GRM4: variants seen among roughly 807,000 people sequenced by gnomAD.
GRM4 encodes glutamate metabotropic receptor 4, also known as metabotropic glutamate receptor 4.
GRM4 carries 28 observed loss-of-function variants against 81.7 expected under a neutral mutation model. The observed-to-expected ratio is 0.34, with a 90% CI of 0.25 to 0.47. GRM4 has a LOEUF of 0.47. Among genes scored for constraint, GRM4 ranks in the 20% least tolerant of loss-of-function variants. The pLI is 1.00. For synonymous variants in GRM4, 488 were observed against 528.8 expected (o/e 0.92, Z 1.06); for missense variants, 948 against 1,290.0 (o/e 0.73, Z 4.06).
At chr6:34,095,375 T>G (rs1768465252) in intron 2 of GRM4, among the ~76,000 whole-genome samples, 1 of 152,084 alleles carries the variant, frequency 6.6e-6, no homozygotes, top group African/African-American at 2.4e-5. Context: ...GGGAGACAGT[T>G]TCAAGCAGAC....
intron 2 of GRM4, among the ~76,000 whole-genome samples, chr6:34,122,259 A>G (rs1769841494): frequency 6.6e-6 from 1 of 152,038 alleles, no homozygotes; most frequent in African/African-American, 2.4e-5. Context: ...ACCAGGGGGA[A>G]GAAAGAGATG....
Position 34,103,932 on chromosome 6 carries a change from A to G in GRM4, c.520-11833T>C, listed in dbSNP as rs997029898. 30 of 1,136,124 alleles carry G rather than the reference A, an allele frequency of 2.6e-5. 1 individual carries two copies. In the Admixed American group the frequency reaches 3.0e-4, roughly 11 times the overall value. The allele number at this position is 1,136,124 out of a possible 1,614,324, so 70.4% of individuals were successfully genotyped here. The stretch of plus-strand genomic sequence containing the variant: ...TTGGCCCAGATGTTCAGAGCCAGCC[A>G]TGCACCTCTCTCACACACAGGAGGT... On this transcript the variant is annotated intron_variant, in intron 2 of 10. Coordinates refer to ENST00000538487, the MANE Select transcript of GRM4 (RefSeq NM_000841.4).
Position 34,040,679 on chromosome 6 carries a change from A to T in GRM4, c.1238T>A (p.Val413Glu). Reference protein sequence around the residue: ...EGKVQFVIDAVYAMGHALHAM... With the variant: ...EGKVQFVIDAEYAMGHALHAM... The stretch of plus-strand genomic sequence containing the variant: ...GTGCAGCGCGTGGCCCATGGCGTAC[A>T]CGGCATCGATCACAAACTGCACCTT... The change falls in exon 7 of 11, where the codon GTG becomes GAG. Residue 413 changes from valine to glutamate, a missense_variant. Transcript: ENST00000538487. 6.2e-7 allele frequency: 1 copy of T among 1,614,110 alleles called. No individual in the cohort carries two copies. Among genetic ancestry groups the T allele is most frequent in the Non-Finnish European group, 8.5e-7 (1 of 1,179,926 alleles).
rs1766710517 is a variant in GRM4, at chr6:34,069,830, C to T, written c.737-7802G>A. Among the ~76,000 whole-genome samples the T allele has an allele frequency of 6.6e-6, 1 of 152,196 alleles. No individual in the cohort carries two copies. Among genetic ancestry groups the T allele is most frequent in the South Asian group, 2.1e-4 (1 of 4,838 alleles). Reference sequence around the variant, plus strand: ...CGTCTGTGCCCCCAACAGGCCTCTGCACATGCTGCTCCCTCTGCCAGGAGC... The same window carrying T: ...CGTCTGTGCCCCCAACAGGCCTCTGTACATGCTGCTCCCTCTGCCAGGAGC... On this transcript the variant is annotated intron_variant, in intron 3 of 10. Coordinates refer to ENST00000538487, the MANE Select transcript of GRM4 (RefSeq NM_000841.4). The surrounding 1 kb of genome is among the most constrained non-coding windows in gnomAD (Gnocchi z 6.4).
At position 34,103,757 on chromosome 6, in the gene GRM4, G is replaced by A. The variant is rs554774760; in HGVS notation, c.520-11658C>T. ...ACTCCCATAGGTGAGAAGCTGCCTC[G>A]CTGTGTGACCTTGGGCAAGTCACCT... is the stretch of plus-strand genomic sequence containing the variant. On this transcript the variant is annotated intron_variant, in intron 2 of 10. Coordinates refer to ENST00000538487, the MANE Select transcript of GRM4 (RefSeq NM_000841.4). 1.4e-5 allele frequency: 21 copies of A among 1,472,954 alleles called. No individual in the cohort carries two copies. In the Admixed American group the frequency reaches 1.4e-4, roughly 10 times the overall value. 91.2% of individuals were successfully genotyped at this position (1,472,954 alleles called of 1,614,324 possible). A position where few individuals can be genotyped will look rare whatever the true frequency, so the allele number is the denominator to read the frequency against.
At chr6:34,028,076 C>T (rs535364141) in intron 10 of GRM4, 44 bp downstream of exon 10, 5 of 1,570,232 alleles carry the variant, frequency 3.2e-6, no homozygotes, top group South Asian at 1.2e-5. Flanking sequence ...GCAAAAGGAG[C>T]GGGGCCTGGG....
At chr6:34,032,609 C>T (rs1003573278) in intron 9 of GRM4, among the ~76,000 whole-genome samples, 2 of 152,234 alleles carry the variant, frequency 1.3e-5, no homozygotes, top group African/African-American at 2.4e-5. Context: ...TGAGGCCAGC[C>T]TGTCGTATGA....
intron 1 of GRM4, among the ~76,000 whole-genome samples, chr6:34,154,903 C>A (rs1033351968): frequency 1.3e-5 from 2 of 152,224 alleles, no homozygotes; most frequent in African/African-American, 2.4e-5. Flanking sequence ...ACCAGCCAGG[C>A]TCCCCATCGC....
rs544081771 is a variant in GRM4, at chr6:34,133,625, G to A, written c.-129C>T. The stretch of plus-strand genomic sequence containing the variant: ...AGGGGGACTGAGGGCAGCCAACCGC[G>A]TAGCCCATGCTGCTACCCTCTCCCA... On this transcript the variant is annotated 5_prime_UTR_variant, in exon 2 of 11. The change creates a new upstream start codon in the 5' untranslated region. Transcript: ENST00000538487. The surrounding 1 kb of genome is among the most constrained non-coding windows in gnomAD (Gnocchi z 6.5). 3.8e-5 allele frequency: 55 copies of A among 1,443,380 alleles called. No individual in the cohort carries two copies. Among genetic ancestry groups the A allele is most frequent in the Middle Eastern group, 2.6e-4 (1 of 3,892 alleles). The allele number at this position is 1,443,380 out of a possible 1,614,324, so 89.4% of individuals were successfully genotyped here.
chr6:34,050,795 C>G (rs1041887975), intron 6 of GRM4, among the ~76,000 whole-genome samples: 1 of 152,222 alleles, frequency 6.6e-6, no homozygotes, highest in Admixed American at 6.5e-5. Flanking sequence ...ACAGCACTGA[C>G]TGCCAGGCCA....
rs76689430 is a variant in GRM4, at chr6:34,139,924, G to A, written c.-363-6065C>T. 7.3e-3 allele frequency among the ~76,000 whole-genome samples: 1,110 copies of A among 152,324 alleles called. 12 individuals carry two copies. The highest frequency in any genetic ancestry group is 0.025 in the African/African-American group (1,032 of 41,560). ...GCACCAGCCTCTGCTCTGGGTGGGCGCTGGGGAAACACTGGGAGTGAAACA... is the reference window on the plus strand; with the variant it reads ...GCACCAGCCTCTGCTCTGGGTGGGCACTGGGGAAACACTGGGAGTGAAACA... On this transcript the variant is annotated intron_variant, in intron 1 of 10. Coordinates refer to ENST00000538487, the MANE Select transcript of GRM4 (RefSeq NM_000841.4).
At chr6:34,051,206 G>A (rs373962476) in intron 6 of GRM4, among the ~76,000 whole-genome samples, 5 of 152,232 alleles carry the variant, frequency 3.3e-5, no homozygotes, top group South Asian at 4.2e-4. Context: ...CCAAATGGTC[G>A]GATTCAAACC....
chr6:34,127,719 T>C (rs1431328740), intron 2 of GRM4, among the ~76,000 whole-genome samples: 2 of 152,078 alleles, frequency 1.3e-5, no homozygotes, highest in African/African-American at 2.4e-5. Flanking sequence ...CCAGGACAAG[T>C]TCTGAAAGTG....
intron 2 of GRM4, among the ~76,000 whole-genome samples, chr6:34,128,133 C>A (rs188852820): frequency 6.6e-6 from 1 of 152,352 alleles, no homozygotes; most frequent in East Asian, 1.9e-4. Flanking sequence ...GGTCTCAACA[C>A]TGAGTGCTGC....
chr6:34,135,276 T>C (rs61665903), intron 1 of GRM4, among the ~76,000 whole-genome samples: 9,186 of 152,092 alleles, frequency 0.06, 578 homozygotes, highest in African/African-American at 0.16. Context: ...TGCCCCAGAG[T>C]CCAGCCTCAG....
At chr6:34,154,309 C>CAGCCG (rs1276880056) in intron 1 of GRM4, among the ~76,000 whole-genome samples, 2 of 152,212 alleles carry the variant, frequency 1.3e-5, no homozygotes, top group African/African-American at 4.8e-5. Context: ...CAGCCCAGCC[C>CAGCCG]CTGGGCCCTC....
intron 4 of GRM4, chr6:34,061,464 G>A (rs1408126347): frequency 1.3e-5 from 2 of 159,054 alleles, no homozygotes; most frequent in Non-Finnish European, 2.8e-5. Flanking sequence ...GCACATTCCT[G>A]CATTGAATTC....
chr6:34,040,540 A>T lies in GRM4; in HGVS notation c.1369+8T>A. 6.2e-7 allele frequency: 1 copy of T among 1,609,734 alleles called. No individual in the cohort carries two copies. On this transcript the variant is annotated splice_region_variant and intron_variant, in intron 7 of 10. Transcript: ENST00000538487. ...CAGGGTCAGGCACAGTCCGCACCAC[A>T]CCCCCACCTGAGAAGTTGACGTTTC...
intron 10 of GRM4, among the ~76,000 whole-genome samples, chr6:34,023,694 G>A (rs1249087081): frequency 6.6e-6 from 1 of 152,160 alleles, no homozygotes; most frequent in Non-Finnish European, 1.5e-5. Flanking sequence ...GTCCACAGCT[G>A]AGTGACGCCA....
Sources: allele counts gnomAD v4.1 joint callset (sites outside exome capture counted in the v4.1 genomes callset), GRCh38; gene constraint gnomAD v4.1.1; non-coding constraint Gnocchi (gnomAD v3.1); transcripts MANE v1.5; gene names NCBI Gene and HGNC (gene_info 2026-07-23, HGNC 2026-07-21).